EFR3B: variants seen among roughly 807,000 people sequenced by gnomAD.
EFR3B encodes protein EFR3 homolog B.
A neutral mutation model predicts 104.7 loss-of-function variants in EFR3B; 64 were observed. That is an observed-to-expected ratio of 0.61 (90% CI 0.50 to 0.75). The LOEUF (loss-of-function observed/expected upper bound fraction) is 0.75. EFR3B is among the 30% of genes least tolerant of loss of function. The probability of loss-of-function intolerance (pLI) is 0.00; values close to 1 mark genes in which losing one functional copy is unlikely to be tolerated. For missense variants in EFR3B, 750 were observed against 1,078.5 expected (o/e 0.70, Z 4.27); for synonymous variants, 385 against 417.9 (o/e 0.92, Z 0.96).
At chr2:25,074,075 A>T (rs1299871112) in intron 1 of EFR3B, among the ~76,000 whole-genome samples, 1 of 151,532 alleles carries the variant, frequency 6.6e-6, no homozygotes, top group Admixed American at 6.6e-5. Context: ...AGTGGGGGGG[A>T]CTCATAATGG....
rs1447874071 is a variant in EFR3B, at chr2:25,158,746, C to T, written c.*4406C>T. ...GTCACCTTCCCCTTCCAAGCTCTCC[C>T]CCCATGACTGTTGATTTCTGGCGCG... On this transcript the variant is annotated 3_prime_UTR_variant, in exon 23 of 23. Transcript: ENST00000403714. 1 of 152,320 alleles carries T rather than the reference C, an allele frequency of 6.6e-6. No individual in the cohort carries two copies. Among genetic ancestry groups the T allele is most frequent in the Non-Finnish European group, 1.5e-5 (1 of 68,148 alleles). The allele number at this position is 152,320 out of a possible 1,614,324, so 9.4% of individuals were successfully genotyped here.
At chr2:25,125,322 G>A (rs1260966341) in intron 5 of EFR3B, among the ~76,000 whole-genome samples, 2 of 152,346 alleles carry the variant, frequency 1.3e-5, no homozygotes, top group Admixed American at 6.5e-5. Context: ...TGCCAGCCAG[G>A]CCCACTTGGA....
chr2:25,152,091 T>C (rs1010752854), intron 21 of EFR3B, 71 bp downstream of exon 21: 10 of 1,461,586 alleles, frequency 6.8e-6, no homozygotes, highest in Non-Finnish European at 8.4e-6. Context: ...AGGACAGGAT[T>C]AAGTTCCTAG....
chr2:25,057,422 A>C (rs1211030852), intron 1 of EFR3B, among the ~76,000 whole-genome samples: 1 of 152,164 alleles, frequency 6.6e-6, no homozygotes, highest in Non-Finnish European at 1.5e-5. Flanking sequence ...CAAAAAAAAA[A>C]ACAAAAAACA....
At chr2:25,050,790 C>A (rs192644565) in intron 1 of EFR3B, among the ~76,000 whole-genome samples, 17 of 152,342 alleles carry the variant, frequency 1.1e-4, no homozygotes, top group Admixed American at 9.8e-4. Flanking sequence ...TTACAAGATT[C>A]ATTAGCATTG....
rs140472188 is a variant in EFR3B at position 25,119,926 on chromosome 2, C to G, written c.364-1747C>G. On this transcript the variant is annotated intron_variant, in intron 4 of 22. Coordinates refer to ENST00000403714, the MANE Select transcript of EFR3B (RefSeq NM_014971.2). ...TAACTAGATACTTTTGGGAAGAATA[C>G]TATATCCTTTTTGACCCAACACATG... is the stretch of plus-strand genomic sequence containing the variant. 2.4e-3 allele frequency among the ~76,000 whole-genome samples: 359 copies of G among 152,192 alleles called. 3 individuals carry two copies. The East Asian group carries it at 0.024, about 10-fold the overall frequency.
At chr2:25,044,280 T>A (rs547712342) in intron 1 of EFR3B, among the ~76,000 whole-genome samples, 1 of 152,286 alleles carries the variant, frequency 6.6e-6, no homozygotes, top group East Asian at 1.9e-4. Context: ...CAGAGTCTGA[T>A]CTTAGGAGGT....
chr2:25,103,637 G>A lies in EFR3B; in HGVS notation c.213G>A (p.Gly71=). 1 of 1,549,854 alleles carries A rather than the reference G, an allele frequency of 6.5e-7. No homozygotes were observed. The highest frequency in any genetic ancestry group is 8.7e-7 in the Non-Finnish European group (1 of 1,145,660). The change falls in exon 4 of 23, where the codon GGG becomes GGA. Residue 71 remains glycine (G), a splice_region_variant and synonymous_variant. Transcript: ENST00000403714. ...TGACGGCATGTGCTGCCCTCCCCAGGTACGTGTGCATTGCTATGGAGGCTT... is the reference window on the plus strand; with the variant it reads ...TGACGGCATGTGCTGCCCTCCCCAGATACGTGTGCATTGCTATGGAGGCTT... ...LIRDVGRHRY[G]YVCIAMEALD...
At chr2:25,092,046 G>A (rs182051346) in intron 2 of EFR3B, among the ~76,000 whole-genome samples, 3 of 151,890 alleles carry the variant, frequency 2.0e-5, no homozygotes, top group African/African-American at 7.3e-5. Context: ...TCTTGGTGCC[G>A]GCTATCCAAC....
intron 1 of EFR3B, among the ~76,000 whole-genome samples, chr2:25,053,495 T>G (rs1310838164): frequency 2.0e-5 from 3 of 152,148 alleles, no homozygotes; most frequent in African/African-American, 7.2e-5. Flanking sequence ...GGATGGGCAG[T>G]GTTCTTAGAG....
intron 1 of EFR3B, chr2:25,079,894 T>A: frequency 7.4e-7 from 1 of 1,350,332 alleles, no homozygotes; most frequent in East Asian, 2.4e-5. Flanking sequence ...TCCTCTGGGT[T>A]TTCAGATCAT....
Position 25,125,124 on chromosome 2 carries a change from T to C in EFR3B, c.486-3059T>C, listed in dbSNP as rs941125554. On this transcript the variant is annotated intron_variant, in intron 5 of 22. Transcript: ENST00000403714. Reference sequence around the variant, plus strand: ...CCTCCCCCTCCAGGCCTGATCTTTCTGAACTTCTTTTGAAAGGCACGGTCA... The same window carrying C: ...CCTCCCCCTCCAGGCCTGATCTTTCCGAACTTCTTTTGAAAGGCACGGTCA... 2.0e-5 allele frequency among the ~76,000 whole-genome samples: 3 copies of C among 152,214 alleles called. No individual in the cohort carries two copies. In the South Asian group the frequency reaches 6.2e-4, roughly 32 times the overall value.
chr2:25,136,604 C>T lies in EFR3B; in HGVS notation c.1560+6C>T, dbSNP rs1002014446. On this transcript the variant is annotated splice_donor_region_variant and intron_variant, in intron 14 of 22. Transcript: ENST00000403714. This position sits in a 1 kb window ranked among gnomAD's most constrained non-coding sequence, Gnocchi z 4.0. The stretch of plus-strand genomic sequence containing the variant: ...ACACCGTCTTCATGAAGAAGGTAAA[C>T]AAGCATGACCTCCAGGCACAGTGAA... The T allele has an allele frequency of 4.5e-6, 7 of 1,550,698 alleles. No individual in the cohort carries two copies. Among genetic ancestry groups the T allele is most frequent in the African/African-American group, 1.4e-5 (1 of 73,018 alleles).
intron 1 of EFR3B, among the ~76,000 whole-genome samples, chr2:25,074,956 T>C (rs1021229510): frequency 3.3e-5 from 5 of 152,172 alleles, no homozygotes; most frequent in Non-Finnish European, 7.3e-5. Flanking sequence ...TTTTGAAATA[T>C]GGATTCATGG....
intron 1 of EFR3B, among the ~76,000 whole-genome samples, chr2:25,071,563 A>G (rs1170164310): frequency 6.6e-6 from 1 of 152,114 alleles, no homozygotes. Flanking sequence ...CCAGCCAGCC[A>G]AGCTCTTTTC....
chr2:25,051,903 G>C (rs532234939), intron 1 of EFR3B, among the ~76,000 whole-genome samples: 2 of 150,620 alleles, frequency 1.3e-5, no homozygotes, highest in Admixed American at 6.6e-5. Context: ...GCCTCCCAAA[G>C]TGCTGGGATT....
chr2:25,142,280 T>G (rs1408180311), intron 17 of EFR3B, among the ~76,000 whole-genome samples: 1 of 151,898 alleles, frequency 6.6e-6, no homozygotes, highest in Non-Finnish European at 1.5e-5. Context: ...CCATCTCTAC[T>G]AAAAATACAA....
chr2:25,134,362 G>A (rs1670464101), intron 12 of EFR3B, among the ~76,000 whole-genome samples: 1 of 152,020 alleles, frequency 6.6e-6, no homozygotes, highest in Admixed American at 6.6e-5. Context: ...TAGAGACGGT[G>A]TTTCACCATG....
At chr2:25,147,318 G>A (rs1175888621) in intron 19 of EFR3B, 1 of 152,268 alleles carries the variant, frequency 6.6e-6, no homozygotes, top group African/African-American at 2.4e-5. Flanking sequence ...CAGAGGATAA[G>A]TCCTCAGAGC....
Sources: gnomAD v4.1 joint callset for allele counts (sites outside exome capture counted in the v4.1 genomes callset) on GRCh38, gnomAD v4.1.1 for gene constraint, Gnocchi (gnomAD v3.1) non-coding constraint, MANE v1.5 for transcripts, NCBI Gene and HGNC (gene_info 2026-07-23, HGNC 2026-07-21) for gene names.